DAB2IP: variants seen among roughly 807,000 people sequenced by gnomAD.
The protein encoded by DAB2IP is DAB2 interacting protein.
A neutral mutation model predicts 107.2 loss-of-function variants in DAB2IP; 28 were observed. The observed-to-expected ratio is 0.26, with a 90% CI of 0.19 to 0.36. The LOEUF (loss-of-function observed/expected upper bound fraction) is 0.36, where lower values mean the gene tolerates loss of function less well. DAB2IP is among the 10% of genes least tolerant of loss of function. DAB2IP has a pLI of 1.00. For synonymous variants in DAB2IP, 755 were observed against 706.4 expected (o/e 1.07, Z -1.09); for missense variants, 1,400 against 1,644.7 (o/e 0.85, Z 2.57).
rs1156979348 is a variant in DAB2IP, at chr9:121,635,924, A to G, written c.41-42754A>G. ...TCTTTTTTGGGGGGGGGTCTGGGGG[A>G]TGGAGTCTTGCTCTGTCTCCCCAGG... On this transcript the variant is annotated intron_variant, in intron 1 of 16. Transcript: ENST00000259371. The surrounding 1 kb of genome is among the most constrained non-coding windows in gnomAD (Gnocchi z 4.3). 6.6e-6 allele frequency among the ~76,000 whole-genome samples: 1 copy of G among 151,400 alleles called. No homozygotes were observed. The highest frequency in any genetic ancestry group is 1.5e-5 in the Non-Finnish European group (1 of 67,872).
At chr9:121,715,961 C>T (rs1350555486) in intron 3 of DAB2IP, among the ~76,000 whole-genome samples, 7 of 152,200 alleles carry the variant, frequency 4.6e-5, no homozygotes, top group Non-Finnish European at 8.8e-5. Context: ...GAAGGAGCAC[C>T]AGAGGCATCC....
chr9:121,602,179 G>C (rs768851577), intron 1 of DAB2IP, among the ~76,000 whole-genome samples: 16 of 152,122 alleles, frequency 1.1e-4, no homozygotes, highest in Admixed American at 2.0e-4. Context: ...CTCTGGAGCT[G>C]GTTACTCTTC....
At chr9:121,770,620 C>T (rs145735158) in exon 11 of DAB2IP, 277 of 1,614,126 alleles carry the variant, frequency 1.7e-4, no homozygotes, top group Non-Finnish European at 1.6e-4. Flanking sequence ...CCCCAGGTAG[C>T]GGGCAGCTCC....
chr9:121,742,915 G>A, intron 3 of DAB2IP: 1 of 985,468 alleles, frequency 1.0e-6, no homozygotes, highest in Non-Finnish European at 1.2e-6. Context: ...TGGGGCACCT[G>A]TGACAGGTGA....
chr9:121,754,327 T>A lies in DAB2IP; in HGVS notation c.363-2686T>A, dbSNP rs1833328642. ...GGAAGGAAACGCATAGGAACGTGAGTGAGAGAGTACGGGTCCACTGGCCCT... is the reference window on the plus strand; with the variant it reads ...GGAAGGAAACGCATAGGAACGTGAGAGAGAGAGTACGGGTCCACTGGCCCT... On this transcript the variant is annotated intron_variant, in intron 3 of 15. Coordinates refer to ENST00000408936, the Ensembl canonical transcript of DAB2IP. 1.3e-5 allele frequency among the ~76,000 whole-genome samples: 2 copies of A among 151,810 alleles called. 1 individual carries two copies. Among genetic ancestry groups the A allele is most frequent in the South Asian group, 4.2e-4 (2 of 4,802 alleles).
intron 3 of DAB2IP, among the ~76,000 whole-genome samples, chr9:121,725,385 G>T (rs1191860716): frequency 2.0e-5 from 3 of 152,144 alleles, no homozygotes; most frequent in Non-Finnish European, 4.4e-5. Flanking sequence ...CTGGCTCGGG[G>T]GCTTATGGTC....
chr9:121,720,029 C>T (rs1164164386), intron 3 of DAB2IP, among the ~76,000 whole-genome samples: 1 of 152,210 alleles, frequency 6.6e-6, no homozygotes, highest in Non-Finnish European at 1.5e-5. Flanking sequence ...GATTGTTCAC[C>T]AAGCCTGGCA....
chr9:121,753,273 A>T (rs896652090), intron 3 of DAB2IP, among the ~76,000 whole-genome samples: 4 of 152,272 alleles, frequency 2.6e-5, no homozygotes, highest in East Asian at 3.9e-4. Flanking sequence ...TGGAATCCCC[A>T]TGTGAAGGCC....
At chr9:121,663,245 T>G (rs1170280866) in intron 1 of DAB2IP, among the ~76,000 whole-genome samples, 1 of 152,190 alleles carries the variant, frequency 6.6e-6, no homozygotes, top group Non-Finnish European at 1.5e-5. Context: ...GGATTTATAC[T>G]AGGCTACACC....
At chr9:121,783,297 G>C in exon 16 of DAB2IP, 1 of 1,399,802 alleles carries the variant, frequency 7.1e-7, no homozygotes, top group South Asian at 1.5e-5. Flanking sequence ...CCAGGCTGAT[G>C]CTCTAGGGCT....
chr9:121,765,788 C>T (rs911314011), intron 8 of DAB2IP, among the ~76,000 whole-genome samples: 16 of 152,182 alleles, frequency 1.1e-4, no homozygotes, highest in Non-Finnish European at 2.1e-4. Flanking sequence ...CATGGCAGGC[C>T]AGGATGCCCA....
chr9:121,630,188 C>T (rs578080274), intron 1 of DAB2IP, among the ~76,000 whole-genome samples: 12 of 152,206 alleles, frequency 7.9e-5, no homozygotes, highest in Non-Finnish European at 1.6e-4. Context: ...TTTTGTTCAC[C>T]GTACTTCAAA....
intron 1 of DAB2IP, among the ~76,000 whole-genome samples, chr9:121,616,624 C>T (rs1831289632): frequency 6.6e-6 from 1 of 152,164 alleles, no homozygotes; most frequent in Non-Finnish European, 1.5e-5. Flanking sequence ...TGGGAGCGCT[C>T]CTGACTGTGG....
intron 1 of DAB2IP, among the ~76,000 whole-genome samples, chr9:121,640,722 C>T (rs1230110184): frequency 6.6e-6 from 1 of 152,226 alleles, no homozygotes; most frequent in Non-Finnish European, 1.5e-5. Context: ...GCTACAGCTT[C>T]CTCTGCTGCT....
Position 121,765,209 on chromosome 9 carries a change from C to G in DAB2IP, c.1461-1285C>G, listed in dbSNP as rs1834191970. ...AGCTGGGCTGTGCTTTCCCCCTCCC[C>G]CTCTTCCAGGGGGGCTGGGCATGTG... On this transcript the variant is annotated intron_variant, in intron 8 of 15. Transcript: ENST00000408936. 2.0e-5 allele frequency among the ~76,000 whole-genome samples: 3 copies of G among 151,836 alleles called. No homozygotes were observed. The South Asian group carries it at 6.2e-4, about 31-fold the overall frequency.
chr9:121,642,561 G>T (rs1171823368), intron 1 of DAB2IP, among the ~76,000 whole-genome samples: 4 of 134,078 alleles, frequency 3.0e-5, no homozygotes, highest in Admixed American at 8.1e-5. Context: ...CTGGGCTCAA[G>T]TGATCTTCCT....
chr9:121,705,477 G>A (rs1830013951), intron 3 of DAB2IP, among the ~76,000 whole-genome samples: 1 of 152,216 alleles, frequency 6.6e-6, no homozygotes, highest in Admixed American at 6.5e-5. Context: ...CAGGTTAAGT[G>A]TTGGCTACTA....
At chr9:121,735,842 T>G (rs1410045976) in intron 3 of DAB2IP, among the ~76,000 whole-genome samples, 1 of 152,160 alleles carries the variant, frequency 6.6e-6, no homozygotes, top group Admixed American at 6.5e-5. Context: ...GGTTTTTGTT[T>G]CCGTGTTTAA....
intron 1 of DAB2IP, among the ~76,000 whole-genome samples, chr9:121,671,293 A>G (rs1421515574): frequency 1.3e-5 from 2 of 152,228 alleles, no homozygotes; most frequent in Admixed American, 1.3e-4. Context: ...CTGAGATTGC[A>G]CCACTGCATT....
Sources: allele counts gnomAD v4.1 joint callset (sites outside exome capture counted in the v4.1 genomes callset), GRCh38; gene constraint gnomAD v4.1.1; non-coding constraint Gnocchi (gnomAD v3.1); transcripts MANE v1.5; gene names NCBI Gene and HGNC (gene_info 2026-07-23, HGNC 2026-07-21).